DLC1: variants seen among roughly 807,000 people sequenced by gnomAD.
The protein encoded by DLC1 is rho GTPase-activating protein 7.
DLC1 carries 54 observed loss-of-function variants against 140.3 expected under a neutral mutation model. The observed-to-expected ratio is 0.38, with a 90% CI of 0.31 to 0.48. The LOEUF (loss-of-function observed/expected upper bound fraction) is 0.48, where lower values mean the gene tolerates loss of function less well. Among genes scored for constraint, DLC1 ranks in the 20% least tolerant of loss-of-function variants. The probability of loss-of-function intolerance (pLI) is 0.96; values close to 1 mark genes in which losing one functional copy is unlikely to be tolerated. For synonymous variants in DLC1, 986 were observed against 728.1 expected (o/e 1.35, Z -5.70); for missense variants, 2,536 against 1,907.0 (o/e 1.33, Z -6.14).
rs112945207 is a variant in DLC1 at position 13,592,032 on chromosome 8, G to A, written c.-126+12505C>T. On this transcript the variant is annotated intron_variant, in intron 1 of 1. Coordinates refer to the DLC1 transcript ENST00000631382. Reference sequence around the variant, plus strand: ...TATGGATTCACTGACATGATTAAAGGCTTGGAACTGGGTAAGGTCCTAGGG... The same window carrying A: ...TATGGATTCACTGACATGATTAAAGACTTGGAACTGGGTAAGGTCCTAGGG... Among the ~76,000 whole-genome samples the A allele has an allele frequency of 3.0e-3, 463 of 152,092 alleles. 1 individual carries two copies. The highest frequency in any genetic ancestry group is 0.011 in the African/African-American group (440 of 41,512).
intron 2 of DLC1, among the ~76,000 whole-genome samples, chr8:13,453,538 ACATATATATATATATATAT>A (rs1563360844): frequency 3.0e-4 from 14 of 47,056 alleles, no homozygotes; most frequent in Admixed American, 5.4e-4. Context: ...GTATATATAT[ACATATATATATATATATAT>A]TTTTTTTTTT....
chr8:13,178,091 T>A (rs1024244799), intron 5 of DLC1, among the ~76,000 whole-genome samples: 1 of 152,246 alleles, frequency 6.6e-6, no homozygotes, highest in African/African-American at 2.4e-5. Context: ...TATATCTGTA[T>A]AGGGAAAAAC....
At chr8:13,417,099 T>C (rs1197920374) in intron 2 of DLC1, among the ~76,000 whole-genome samples, 2 of 152,256 alleles carry the variant, frequency 1.3e-5, no homozygotes, top group East Asian at 3.9e-4. Context: ...TCTAATCAGA[T>C]GACTTTAAAT....
chr8:13,420,256 C>T (rs1210117243), intron 2 of DLC1, among the ~76,000 whole-genome samples: 1 of 151,970 alleles, frequency 6.6e-6, no homozygotes, highest in African/African-American at 2.4e-5. Context: ...AGGGTCTTTC[C>T]ATTAATGCTG....
At chr8:13,409,675 T>A (rs1837703996) in intron 2 of DLC1, among the ~76,000 whole-genome samples, 1 of 152,180 alleles carries the variant, frequency 6.6e-6, no homozygotes, top group African/African-American at 2.4e-5. Context: ...GACGAAACCC[T>A]TGGCTTCAAG....
chr8:13,433,156 C>T (rs1838963088), intron 2 of DLC1, among the ~76,000 whole-genome samples: 1 of 151,932 alleles, frequency 6.6e-6, no homozygotes, highest in African/African-American at 2.4e-5. Context: ...CATTCCTATT[C>T]CATGAAGCCT....
intron 5 of DLC1, among the ~76,000 whole-genome samples, chr8:13,167,020 A>G (rs1046321756): frequency 6.6e-6 from 1 of 152,190 alleles, no homozygotes; most frequent in African/African-American, 2.4e-5. Flanking sequence ...ATCTCCTTTC[A>G]AAGCAAACAA....
chr8:13,115,989 T>G (rs888882115), intron 5 of DLC1, among the ~76,000 whole-genome samples: 16 of 152,164 alleles, frequency 1.1e-4, no homozygotes. Flanking sequence ...AAGAGAGATT[T>G]AATAACTCAT....
chr8:13,162,135 A>G (rs138236129), intron 5 of DLC1, among the ~76,000 whole-genome samples: 375 of 152,330 alleles, frequency 2.5e-3, no homozygotes, highest in Non-Finnish European at 4.2e-3. Flanking sequence ...GGCTGCCTCA[A>G]TGTATAGCCA....
At chr8:13,147,797 G>C (rs994955547) in intron 5 of DLC1, among the ~76,000 whole-genome samples, 1 of 152,128 alleles carries the variant, frequency 6.6e-6, no homozygotes, top group Non-Finnish European at 1.5e-5. Flanking sequence ...AGACCATCCT[G>C]GCCAACATGG....
intron 2 of DLC1, among the ~76,000 whole-genome samples, chr8:13,475,913 G>A (rs1800415380): frequency 6.6e-6 from 1 of 152,030 alleles, no homozygotes; most frequent in African/African-American, 2.4e-5. Context: ...CCTTCAATCT[G>A]GTATTTTCTG....
At chr8:13,185,084 A>G (rs1261160866) in intron 5 of DLC1, among the ~76,000 whole-genome samples, 2 of 146,928 alleles carry the variant, frequency 1.4e-5, no homozygotes, top group Admixed American at 6.8e-5. Flanking sequence ...TTATTGGTTT[A>G]AAGTCTGTTT....
At chr8:13,284,306 C>T (rs1173400859) in intron 5 of DLC1, among the ~76,000 whole-genome samples, 2 of 152,202 alleles carry the variant, frequency 1.3e-5, no homozygotes, top group Non-Finnish European at 2.9e-5. Flanking sequence ...GCGAGTGGAT[C>T]ACCTAACGTC....
chr8:13,176,555 G>C (rs1310143131), intron 5 of DLC1, among the ~76,000 whole-genome samples: 1 of 152,060 alleles, frequency 6.6e-6, no homozygotes, highest in African/African-American at 2.4e-5. Context: ...CTCCAGCCTG[G>C]GCGACAGAGA....
chr8:13,122,545 G>A (rs558507840), intron 5 of DLC1, among the ~76,000 whole-genome samples: 4 of 152,024 alleles, frequency 2.6e-5, no homozygotes, highest in Non-Finnish European at 5.9e-5. Context: ...GACTGAAAAC[G>A]ATGACTTGAA....
At chr8:13,598,701 G>A (rs1805764274) in intron 1 of DLC1, among the ~76,000 whole-genome samples, 1 of 151,526 alleles carries the variant, frequency 6.6e-6, no homozygotes, top group Non-Finnish European at 1.5e-5. Context: ...TACTACTTTT[G>A]TAACTTTGCT....
rs1307787734 is a variant in DLC1 at position 13,579,356 on chromosome 8, TA to T, written c.-126+25180del. Among the ~76,000 whole-genome samples, 24 of 30,388 alleles carry T rather than the reference TA, an allele frequency of 7.9e-4. 5 individuals carry two copies. Among genetic ancestry groups the T allele is most frequent in the African/African-American group, 1.3e-3 (8 of 6,288 alleles). 19.9% of individuals were successfully genotyped at this position (30,388 alleles called of 152,430 possible). On this transcript the variant is annotated intron_variant, in intron 1 of 1. Coordinates refer to the DLC1 transcript ENST00000631382. ...ATATATATATATATATATATATATA[TA>T]TATATTTTTATATAATACATATTTA...
At position 13,589,687 on chromosome 8, in the gene DLC1, C is replaced by A. The variant is rs1805450816; in HGVS notation, c.-126+14850G>T. Among the ~76,000 whole-genome samples the A allele has an allele frequency of 5.0e-5, 3 of 59,822 alleles. No individual in the cohort carries two copies. The South Asian group carries it at 2.1e-3, about 42-fold the overall frequency. 39.2% of individuals were successfully genotyped at this position (59,822 alleles called of 152,430 possible). A position where few individuals can be genotyped will look rare whatever the true frequency, so the allele number is the denominator to read the frequency against. On this transcript the variant is annotated intron_variant, in intron 1 of 1. Transcript: ENST00000631382. ...TCTGCCCAGTTCTATATAGAATGCT[C>A]TGTTTTTTTTTTTTCACAGATTTAG...
chr8:13,520,165 C>T (rs1437671386), intron 1 of DLC1, among the ~76,000 whole-genome samples: 2 of 152,198 alleles, frequency 1.3e-5, no homozygotes, highest in African/African-American at 4.8e-5. Context: ...GATAAAGACA[C>T]ATGCACACAT....
Sources: gnomAD v4.1 joint callset for allele counts (sites outside exome capture counted in the v4.1 genomes callset) on GRCh38, gnomAD v4.1.1 for gene constraint, MANE v1.5 for transcripts, NCBI Gene and HGNC (gene_info 2026-07-23, HGNC 2026-07-21) for gene names.